Variants in CACNA1G observed in about 807,000 individuals in gnomAD.
CACNA1G encodes voltage-dependent T-type calcium channel subunit alpha-1G.
Under a neutral mutation model 219.4 loss-of-function variants are expected in CACNA1G, and 67 were observed. That is an observed-to-expected ratio of 0.31 (90% CI 0.25 to 0.37). CACNA1G has a LOEUF of 0.37. Among genes scored for constraint, CACNA1G ranks in the 10% least tolerant of loss-of-function variants. The pLI is 1.00. For synonymous variants in CACNA1G, 1,296 were observed against 1,345.3 expected (o/e 0.96, Z 0.80); for missense variants, 2,380 against 3,231.4 (o/e 0.74, Z 6.39).
At chr17:50,624,324 T>TCCCCCCCCCCCCCCCCCCCAGC in intron 36 of CACNA1G, 36 bp from the exon 37 acceptor site, 1 of 1,177,664 alleles carries the variant, frequency 8.5e-7, no homozygotes, top group Non-Finnish European at 1.2e-6. Flanking sequence ...CTCCATTCTC[T>TCCCCCCCCCCCCCCCCCCCAGC]CCCCCCACCC....
intron 9 of CACNA1G, among the ~76,000 whole-genome samples, chr17:50,585,615 C>T (rs1459510748): frequency 6.6e-6 from 1 of 152,070 alleles, no homozygotes; most frequent in Non-Finnish European, 1.5e-5. Context: ...CACCATGACA[C>T]CTAGCAGTGT....
chr17:50,599,559 C>T lies in CACNA1G; in HGVS notation c.3390C>T (p.Ser1130=). The T allele has an allele frequency of 3.7e-6, 6 of 1,612,892 alleles. No homozygotes were observed. The highest frequency in any genetic ancestry group is 5.1e-6 in the Non-Finnish European group (6 of 1,179,530). The part of the protein sequence containing the change: ...KRRSPSGERR[S]LLSGEGQESQ... Reference sequence around the variant, plus strand: ...GAAGCCCAAGTGGAGAGCGGCGGTCCCTGTTGTCGGGAGAAGGCCAGGAGA... The same window carrying T: ...GAAGCCCAAGTGGAGAGCGGCGGTCTCTGTTGTCGGGAGAAGGCCAGGAGA... Residue 1130 remains serine, a synonymous_variant, in exon 17 of 38, where the codon TCC becomes TCT. Transcript: ENST00000359106.
chr17:50,561,597 C>T lies in CACNA1G; in HGVS notation c.138C>T (p.Ser46=). 6.3e-7 allele frequency: 1 copy of T among 1,577,804 alleles called. No homozygotes were observed. The highest frequency in any genetic ancestry group is 8.6e-7 in the Non-Finnish European group (1 of 1,164,140). ...SAEKDPGSAD[S]EAEGLPYPAL... ...AAAAGGACCCGGGCAGCGCGGACTCCGAGGCGGAGGGGCTGCCGTACCCGG... is the reference window on the plus strand; with the variant it reads ...AAAAGGACCCGGGCAGCGCGGACTCTGAGGCGGAGGGGCTGCCGTACCCGG... Residue 46 remains serine, a synonymous_variant, in exon 1 of 38, where the codon TCC becomes TCT. Transcript: ENST00000359106.
At position 50,627,226 on chromosome 17, in the gene CACNA1G, G is replaced by T. The variant is rs1456397837; in HGVS notation, c.*475G>T. On this transcript the variant is annotated 3_prime_UTR_variant, in exon 38 of 38. Coordinates refer to ENST00000359106, the MANE Select transcript of CACNA1G (RefSeq NM_018896.5). ...TATTCCCTCTTCTTGCAAAGCACAA[G>T]CTGGGACCGCGAGCACATTGCAGCC... is the stretch of plus-strand genomic sequence containing the variant. 2 of 454,074 alleles carry T rather than the reference G, an allele frequency of 4.4e-6. No homozygotes were observed. The highest frequency in any genetic ancestry group is 6.9e-5 in the East Asian group (1 of 14,422). 28.1% of individuals were successfully genotyped at this position (454,074 alleles called of 1,614,324 possible).
rs1457492239 is a variant in CACNA1G at position 50,596,678 on chromosome 17, C to T, written c.3064+32C>T. 6 of 1,613,420 alleles carry T rather than the reference C, an allele frequency of 3.7e-6. No homozygotes were observed. In the South Asian group the frequency reaches 6.6e-5, roughly 18 times the overall value. On this transcript the variant is annotated intron_variant, in intron 15 of 37. Coordinates refer to ENST00000359106, the MANE Select transcript of CACNA1G (RefSeq NM_018896.5). The surrounding 1 kb of genome is among the most constrained non-coding windows in gnomAD (Gnocchi z 4.8). ...ACCTATCCTGGGGTGCGACTTTTGGCCCTGGGCCAGCCCTGTGTGGACTCG... is the reference window on the plus strand; with the variant it reads ...ACCTATCCTGGGGTGCGACTTTTGGTCCTGGGCCAGCCCTGTGTGGACTCG...
chr17:50,607,868 C>T lies in CACNA1G; in HGVS notation c.4554C>T (p.Ile1518=). 6.2e-7 allele frequency: 1 copy of T among 1,614,052 alleles called. No homozygotes were observed. The highest frequency in any genetic ancestry group is 8.5e-7 in the Non-Finnish European group (1 of 1,179,900). The stretch of plus-strand genomic sequence containing the variant: ...ACCCCTGGATGCTGCTGTACTTCAT[C>T]TCGTTCCTGCTCATTGTGGCCTTCT... ...NHNPWMLLYF[I]SFLLIVAFFV... is the part of the protein sequence containing the mutation. The change falls in exon 25 of 38, where the codon ATC becomes ATT. Residue 1518 remains isoleucine (I), a synonymous_variant. Transcript: ENST00000359106.
chr17:50,561,568 G>T lies in CACNA1G; in HGVS notation c.109G>T (p.Ala37Ser). 1 of 1,551,666 alleles carries T rather than the reference G, an allele frequency of 6.4e-7. No individual in the cohort carries two copies. ...GAGGRPGPGSAEKDPGSADSE... is the reference protein window; with the variant it reads ...GAGGRPGPGSSEKDPGSADSE... ...CGGGGGCCGGCCGGGGCCGGGGTCA[G>T]CAGAAAAGGACCCGGGCAGCGCGGA... Residue 37 changes from alanine (A) to serine (S), a missense_variant, in exon 1 of 38, where the codon GCA (alanine) becomes TCA (serine). Ala to Ser is a moderately conservative substitution (Grantham distance 99, BLOSUM62 1). This residue lies in a region of CACNA1G where 98 missense variants were observed against 85.5 expected (regional missense o/e 1.15). Transcript: ENST00000359106.
chr17:50,614,873 G>T (rs1348525142), intron 26 of CACNA1G, among the ~76,000 whole-genome samples: 1 of 152,216 alleles, frequency 6.6e-6, no homozygotes, highest in African/African-American at 2.4e-5. Context: ...CCAATCTCCG[G>T]TTTTATCTCC....
At position 50,623,945 on chromosome 17, in the gene CACNA1G, AC is replaced by A; in HGVS notation, c.6100del (p.Leu2034Ter). ...CCACGGAGCTGCCAGGACCAGACTT[AC>A]TGACTGTGCGGAAGTCTGGGGTCAG... is the stretch of plus-strand genomic sequence containing the variant. ...HPTELPGPDL[L>X]TVRKSGVSRT... On this transcript the variant is annotated frameshift_variant, in exon 36 of 38. Transcript: ENST00000359106. LOFTEE classifies it high-confidence loss of function. The A allele has an allele frequency of 6.2e-7, 1 of 1,613,120 alleles. No individual in the cohort carries two copies. Among genetic ancestry groups the A allele is most frequent in the Non-Finnish European group, 8.5e-7 (1 of 1,179,752 alleles).
chr17:50,591,065 G>A (rs1010638483), intron 10 of CACNA1G, among the ~76,000 whole-genome samples: 5 of 152,120 alleles, frequency 3.3e-5, no homozygotes, highest in Non-Finnish European at 5.9e-5. Flanking sequence ...AAAGTGCTCC[G>A]TCCCCGCAAG....
intron 1 of CACNA1G, among the ~76,000 whole-genome samples, chr17:50,564,606 G>A (rs539666723): frequency 6.6e-6 from 1 of 152,002 alleles, no homozygotes; most frequent in East Asian, 1.9e-4. Flanking sequence ...GTGTCTGAGT[G>A]TGTCCCTCTA....
Position 50,599,598 on chromosome 17 carries a change from G to A in CACNA1G, c.3429G>A (p.Glu1143=). The A allele has an allele frequency of 6.2e-7, 1 of 1,613,268 alleles. No homozygotes were observed. Among genetic ancestry groups the A allele is most frequent in the Middle Eastern group, 1.7e-4 (1 of 6,020 alleles). Residue 1143 remains glutamate (E), a synonymous_variant, in exon 17 of 38, where the codon GAG becomes GAA. Transcript: ENST00000359106. Reference sequence around the variant, plus strand: ...AAGGCCAGGAGAGCCAGGATGAAGAGGAGAGCTCAGAAGAGGAGCGGGCCA... The same window carrying A: ...AAGGCCAGGAGAGCCAGGATGAAGAAGAGAGCTCAGAAGAGGAGCGGGCCA... The part of the protein sequence containing the change: ...SGEGQESQDE[E]ESSEEERASP...
chr17:50,598,196 T>G (rs2045943048), intron 16 of CACNA1G, among the ~76,000 whole-genome samples: 1 of 152,130 alleles, frequency 6.6e-6, no homozygotes, highest in South Asian at 2.1e-4. Flanking sequence ...TCCGGCTAAT[T>G]TTTTGTATTT....
In CACNA1G at chr17:50,591,436, G is replaced by A. The variant is rs1405825397; in HGVS notation, c.2455G>A (p.Val819Met). The A allele has an allele frequency of 5.1e-6, 8 of 1,567,552 alleles. No homozygotes were observed. Among genetic ancestry groups the A allele is most frequent in the East Asian group, 2.3e-5 (1 of 43,952 alleles). Residue 819 changes from valine to methionine, a missense_variant and splice_region_variant, in exon 11 of 38, where the codon GTG (valine) becomes ATG (methionine). Physicochemically the swap from Val to Met is conservative, Grantham distance 21. Coordinates refer to ENST00000359106, the MANE Select transcript of CACNA1G (RefSeq NM_018896.5). The part of the protein sequence containing the change: ...IFDGVIVVIS[V>M]WEIVGQQGGG... ...TCAGGCTGCCTGCCCCCTTTGCAGC[G>A]TGTGGGAGATCGTGGGCCAGCAGGG...
chr17:50,597,699 A>G (rs1378084653), intron 16 of CACNA1G, among the ~76,000 whole-genome samples: 5 of 152,226 alleles, frequency 3.3e-5, no homozygotes, highest in Admixed American at 3.3e-4. Context: ...ATTATTGACT[A>G]TAGCCATCAT....
At chr17:50,591,385 G>C (rs1382494481) in intron 10 of CACNA1G, 50 bp from the exon 11 acceptor site, 4 of 1,460,088 alleles carry the variant, frequency 2.7e-6, no homozygotes, top group Admixed American at 2.4e-5. Flanking sequence ...GAGGGAGTAG[G>C]GGGAGAGGGT....
At chr17:50,609,778 C>T (rs2048792930) in intron 25 of CACNA1G, 104 bp from the exon 26 acceptor site, 7 of 965,618 alleles carry the variant, frequency 7.2e-6, no homozygotes, top group Non-Finnish European at 1.1e-5. Flanking sequence ...CGCACCCCAC[C>T]CATAGGCAGA....
chr17:50,615,293 A>G, intron 26 of CACNA1G, 68 bp from the exon 27 acceptor site: 5 of 1,356,532 alleles, frequency 3.7e-6, no homozygotes, highest in Admixed American at 2.8e-5. Context: ...GCTGTGAGGG[A>G]CTGGGGGTGG....
In CACNA1G at chr17:50,626,175, G is replaced by T; in HGVS notation, c.6558G>T (p.Lys2186Asn). The T allele has an allele frequency of 6.2e-7, 1 of 1,613,910 alleles. No homozygotes were observed. The highest frequency in any genetic ancestry group is 8.5e-7 in the Non-Finnish European group (1 of 1,179,864). Residue 2186 changes from lysine (K) to asparagine (N), a missense_variant, in exon 38 of 38, where the codon AAG becomes AAT. Transcript: ENST00000359106. This position sits in a 1 kb window ranked among gnomAD's most constrained non-coding sequence, Gnocchi z 4.3. ...QAQQHSRSHS[K>N]ISKHMTPPAP... ...AGCAGCACTCCCGCAGCCACAGCAA[G>T]ATCTCCAAGCACATGACCCCGCCAG...
Sources: gnomAD v4.1 joint callset for allele counts (sites outside exome capture counted in the v4.1 genomes callset) on GRCh38, gnomAD v4.1.1 for gene constraint, gnomAD v4.1.1 regional missense constraint, Gnocchi (gnomAD v3.1) non-coding constraint, MANE v1.5 for transcripts, NCBI Gene and HGNC (gene_info 2026-07-23, HGNC 2026-07-21) for gene names.